The following DGKQ variants were observed in gnomAD, a reference collection of about 807,000 sequenced individuals.
The protein encoded by DGKQ is DAG kinase theta.
Under a neutral mutation model 104.2 loss-of-function variants are expected in DGKQ, and 97 were observed. That is an observed-to-expected ratio of 0.93 (90% confidence interval 0.79 to 1.10). The LOEUF is 1.10. Among genes scored for constraint, DGKQ ranks in the 50% least tolerant of loss-of-function variants. DGKQ has a pLI of 0.00. For missense variants in DGKQ, 1,465 were observed against 1,352.1 expected, an observed-to-expected ratio of 1.08 and a Z score of -1.31; for synonymous variants, 736 against 595.2, an observed-to-expected ratio of 1.24 and a Z score of -3.44.
Position 961,479 on chromosome 4 carries a change from G to GC in DGKQ, c.2561dup (p.Val855ArgfsTer55). On this transcript the variant is annotated frameshift_variant, in exon 21 of 23. Transcript: ENST00000273814. LOFTEE classifies it high-confidence loss of function. Reference sequence around the variant, plus strand: ...GCCGGCGGCTCACCATGTGCACGACGCCCGTCACGCCCACAACCTCCAGCA... The same window carrying GC: ...GCCGGCGGCTCACCATGTGCACGACGCCCCGTCACGCCCACAACCTCCAGCA... The GC allele has an allele frequency of 2.5e-6, 4 of 1,600,700 alleles. No homozygotes were observed. Among genetic ancestry groups the GC allele is most frequent in the Non-Finnish European group, 3.4e-6 (4 of 1,175,612 alleles).
In DGKQ at chr4:968,427, A is replaced by G. The variant is rs759821871; in HGVS notation, c.538-20T>C. ...GGTGTCCTGCAGAGCGGGGGCAGTC[A>G]GCAGCTGGGCCCGCCCCACCCCCCA... On this transcript the variant is annotated intron_variant, in intron 4 of 22. Coordinates refer to ENST00000273814, the MANE Select transcript of DGKQ (RefSeq NM_001347.4). The G allele has an allele frequency of 3.2e-6, 5 of 1,583,892 alleles. No homozygotes were observed. Among genetic ancestry groups the G allele is most frequent in the South Asian group, 1.1e-5 (1 of 87,634 alleles).
rs746268903 is a variant in DGKQ at position 973,218 on chromosome 4, A to G, written c.265T>C (p.Cys89Arg). ...ATCGGGCCCGGGCGCTCACCGTCGC[A>G]CAGGAAGCCGGCCAGCCCCCAGATG... ...DFIWGLAGFL[C>R]DVCNFMSHEK... The change falls in exon 1 of 23, where the codon TGC becomes CGC. Residue 89 changes from cysteine (C) to arginine (R), a missense_variant. Physicochemically the swap from Cys to Arg is radical, Grantham distance 180. Transcript: ENST00000273814. The G allele has an allele frequency of 1.3e-6, 2 of 1,557,728 alleles. No individual in the cohort carries two copies. Among genetic ancestry groups the G allele is most frequent in the Admixed American group, 3.6e-5 (2 of 54,828 alleles).
At chr4:960,792 G>A (rs528537824) in intron 22 of DGKQ, 71 bp from the exon 23 acceptor site, 116 of 1,570,084 alleles carry the variant, frequency 7.4e-5, no homozygotes, top group Middle Eastern at 1.7e-4. Flanking sequence ...GGCAGCCCCC[G>A]GTCCTGGGGC....
chr4:970,668 G>A (rs1560521223), intron 2 of DGKQ, among the ~76,000 whole-genome samples: 1 of 152,166 alleles, frequency 6.6e-6, no homozygotes. Flanking sequence ...CCCCCCAGGA[G>A]CCCTCACGCT....
In DGKQ at chr4:967,739, G is replaced by A. The variant is rs201239728; in HGVS notation, c.875C>T (p.Thr292Ile). 4.3e-6 allele frequency: 7 copies of A among 1,611,102 alleles called. No individual in the cohort carries two copies. The highest frequency in any genetic ancestry group is 4.5e-5 in the East Asian group (2 of 44,806). Residue 292 changes from threonine to isoleucine, a missense_variant, in exon 7 of 23, where the codon ACT (threonine) becomes ATT (isoleucine). Transcript: ENST00000273814. ...AVGPGRETQATPESGKQTLKI... is the reference protein window; with the variant it reads ...AVGPGRETQAIPESGKQTLKI... Reference sequence around the variant, plus strand: ...AGGCGGGCACTTACCGGACTCCGGAGTTGCCTGTGTCTCTCTGCCTGGACC... The same window carrying A: ...AGGCGGGCACTTACCGGACTCCGGAATTGCCTGTGTCTCTCTGCCTGGACC...
chr4:966,791 G>C lies in DGKQ; in HGVS notation c.1323C>G (p.Pro441=), dbSNP rs747567422. 44 of 1,609,718 alleles carry C rather than the reference G, an allele frequency of 2.7e-5. No homozygotes were observed. Among genetic ancestry groups the C allele is most frequent in the Non-Finnish European group, 3.6e-5 (42 of 1,178,712 alleles). ...LPLLGRQAES[P]ESFQLVEVAM... ...CCACCTCCACCAGCTGGAAGCTCTC[G>C]GGACTCTCGGCCTGTTGGGGTAGAG... is the stretch of plus-strand genomic sequence containing the variant. The change falls in exon 11 of 23, where the codon CCC becomes CCG. Residue 441 remains proline (P), a synonymous_variant. Coordinates refer to ENST00000273814, the MANE Select transcript of DGKQ (RefSeq NM_001347.4).
chr4:968,677 C>G, intron 3 of DGKQ, 113 bp from the exon 4 acceptor site: 3 of 1,353,012 alleles, frequency 2.2e-6, no homozygotes, highest in Non-Finnish European at 3.0e-6. Flanking sequence ...CTTTAAGTGT[C>G]CTGTGGCCTG....
Position 966,452 on chromosome 4 carries a change from C to T in DGKQ, c.1428+14G>A. 6.2e-7 allele frequency: 1 copy of T among 1,611,836 alleles called. No homozygotes were observed. The highest frequency in any genetic ancestry group is 1.1e-5 in the South Asian group (1 of 91,030). On this transcript the variant is annotated intron_variant, in intron 12 of 22. Transcript: ENST00000273814. The stretch of plus-strand genomic sequence containing the variant: ...CTGCTGGTTCCCTGGGGGCCGGCGT[C>T]CACACCCACTCACCTGCCGGATGTC...
Position 967,874 on chromosome 4 carries a change from C to G in DGKQ, c.811+6G>C, listed in dbSNP as rs188073258. ...CCCAGGGCGCCCCGGCCGGCCCGCA[C>G]CTCACCCGGCTCCGCGGCCTCCACG... is the stretch of plus-strand genomic sequence containing the variant. On this transcript the variant is annotated splice_donor_region_variant and intron_variant, in intron 6 of 22. Coordinates refer to ENST00000273814, the MANE Select transcript of DGKQ (RefSeq NM_001347.4). The G allele has an allele frequency of 5.3e-3, 7,730 of 1,460,196 alleles. 36 individuals are homozygous for G. The highest frequency in any genetic ancestry group is 6.3e-3 in the Non-Finnish European group (7,013 of 1,112,398). The allele number at this position is 1,460,196 out of a possible 1,614,324, so 90.5% of individuals were successfully genotyped here.
At position 961,547 on chromosome 4, in the gene DGKQ, C is replaced by T. The variant is rs199858339; in HGVS notation, c.2494G>A (p.Asp832Asn). The change falls in exon 21 of 23, where the codon GAC becomes AAC. Residue 832 changes from aspartate (D) to asparagine (N), a missense_variant. By Grantham distance (23) the Asp-to-Asn change is conservative. Coordinates refer to ENST00000273814, the MANE Select transcript of DGKQ (RefSeq NM_001347.4). ...GGCTTCTCAAACCTGGTGTCGCTGT[C>T]GGAGCCCCACAGGTCGGCCCCCGAG... is the stretch of plus-strand genomic sequence containing the variant. ...WGSGADLWGS[D>N]SDTRFEKPRM... 231 of 1,609,106 alleles carry T rather than the reference C, an allele frequency of 1.4e-4. 2 individuals carry two copies. The East Asian group carries it at 4.7e-3, about 33-fold the overall frequency.
chr4:967,422 G>C (rs561930410), intron 8 of DGKQ, 61 bp from the exon 9 acceptor site: 2 of 825,064 alleles, frequency 2.4e-6, no homozygotes, highest in African/African-American at 3.4e-5. Context: ...TCAGTGGGGG[G>C]CAGGTCATGG....
rs1560510684 is a variant in DGKQ at position 961,762 on chromosome 4, CTG to C, written c.2386_2387del (p.Gln796AspfsTer16). ...KISHSRSLHK[Q>X]IRLQVERQEV... ...CCTGCCGCTCCACCTGCAGCCGGATCTGCTTGTGCAGGCTCCGAGAGTGACTG... is the reference window on the plus strand; with the variant it reads ...CCTGCCGCTCCACCTGCAGCCGGATCCTTGTGCAGGCTCCGAGAGTGACTG... On this transcript the variant is annotated frameshift_variant, in exon 20 of 23. Coordinates refer to ENST00000273814, the MANE Select transcript of DGKQ (RefSeq NM_001347.4). LOFTEE classifies it high-confidence loss of function. 1.2e-6 allele frequency: 2 copies of C among 1,612,500 alleles called. No homozygotes were observed. The highest frequency in any genetic ancestry group is 3.3e-5 in the Admixed American group (2 of 59,948).
intron 12 of DGKQ, 132 bp downstream of exon 12, chr4:966,334 C>T (rs992067291): frequency 1.2e-5 from 13 of 1,061,562 alleles, no homozygotes; most frequent in Non-Finnish European, 1.8e-5. Flanking sequence ...GACGAGGGCG[C>T]TGCCCTGTCA....
chr4:965,493 T>C lies in DGKQ; in HGVS notation c.1616A>G (p.Gln539Arg), dbSNP rs571859691. Reference sequence around the variant, plus strand: ...CCACGTCCCTCAGGGCAGCTCACCTTGGGAGGAGTAGATGTGACTCACGGA... The same window carrying C: ...CCACGTCCCTCAGGGCAGCTCACCTCGGGAGGAGTAGATGTGACTCACGGA... ...VVSVSHIYSSQGAVVLDVACF... is the reference protein window; with the variant it reads ...VVSVSHIYSSRGAVVLDVACF... Residue 539 changes from glutamine to arginine, a missense_variant and splice_region_variant, in exon 14 of 23, where the codon CAA (glutamine) becomes CGA (arginine). Physicochemically the swap from Gln to Arg is conservative, Grantham distance 43. Coordinates refer to ENST00000273814, the MANE Select transcript of DGKQ (RefSeq NM_001347.4). 12 of 1,611,514 alleles carry C rather than the reference T, an allele frequency of 7.4e-6. 1 individual carries two copies. In the South Asian group the frequency reaches 9.9e-5, roughly 13 times the overall value.
Position 967,864 on chromosome 4 carries a change from C to T in DGKQ, c.811+16G>A. The T allele has an allele frequency of 1.4e-6, 2 of 1,465,880 alleles. No homozygotes were observed. Among genetic ancestry groups the T allele is most frequent in the Non-Finnish European group, 1.8e-6 (2 of 1,113,860 alleles). The allele number at this position is 1,465,880 out of a possible 1,614,324, so 90.8% of individuals were successfully genotyped here. A position where few individuals can be genotyped will look rare whatever the true frequency, so the allele number is the denominator to read the frequency against. On this transcript the variant is annotated intron_variant, in intron 6 of 22. Transcript: ENST00000273814. ...CAGCCCCCAGCCCAGGGCGCCCCGGCCGGCCCGCACCTCACCCGGCTCCGC... is the reference window on the plus strand; with the variant it reads ...CAGCCCCCAGCCCAGGGCGCCCCGGTCGGCCCGCACCTCACCCGGCTCCGC...
chr4:973,247 T>A lies in DGKQ; in HGVS notation c.236A>T (p.Asp79Val). 6.4e-7 allele frequency: 1 copy of A among 1,561,454 alleles called. No individual in the cohort carries two copies. Among genetic ancestry groups the A allele is most frequent in the Non-Finnish European group, 8.6e-7 (1 of 1,157,020 alleles). Residue 79 changes from aspartate (D) to valine (V), a missense_variant, in exon 1 of 23, where the codon GAC becomes GTC. By Grantham distance (152) the Asp-to-Val change is radical. Coordinates refer to ENST00000273814, the MANE Select transcript of DGKQ (RefSeq NM_001347.4). ...TKPTFCHLCS[D>V]FIWGLAGFLC... Reference sequence around the variant, plus strand: ...GAAGCCGGCCAGCCCCCAGATGAAGTCGGAGCAGAGGTGGCAGAAGGTGGG... The same window carrying A: ...GAAGCCGGCCAGCCCCCAGATGAAGACGGAGCAGAGGTGGCAGAAGGTGGG...
chr4:961,586 A>AT lies in DGKQ; in HGVS notation c.2463-9dup, dbSNP rs1349737391. The AT allele has an allele frequency of 6.2e-7, 1 of 1,609,638 alleles. No homozygotes were observed. Among genetic ancestry groups the AT allele is most frequent in the Non-Finnish European group, 8.5e-7 (1 of 1,178,766 alleles). ...TCGGCCCCCGAGCCCCAGCTGCCGC[A>AT]TAAGAGAGCGGGCACAGAGGTGTAG... is the stretch of plus-strand genomic sequence containing the variant. On this transcript the variant is annotated splice_polypyrimidine_tract_variant and intron_variant, in intron 20 of 22. Transcript: ENST00000273814.
Position 961,493 on chromosome 4 carries a change from C to T in DGKQ, c.2548G>A (p.Val850Met), listed in dbSNP as rs1360543812. The part of the protein sequence containing the change: ...PRMDDGLLEV[V>M]GVTGVVHMGQ... ...ATGTGCACGACGCCCGTCACGCCCA[C>T]AACCTCCAGCAGCCCGTCGTCCATG... The change falls in exon 21 of 23, where the codon GTG (valine) becomes ATG (methionine). Residue 850 changes from valine to methionine, a missense_variant. Val to Met is a conservative substitution (Grantham distance 21, BLOSUM62 1). Coordinates refer to ENST00000273814, the MANE Select transcript of DGKQ (RefSeq NM_001347.4). The T allele has an allele frequency of 2.5e-6, 4 of 1,605,990 alleles. No homozygotes were observed. The highest frequency in any genetic ancestry group is 2.3e-5 in the East Asian group (1 of 44,418).
chr4:971,100 G>A lies in DGKQ; in HGVS notation c.272-28C>T. Reference sequence around the variant, plus strand: ...GTGGGAATGAGCACTGTGTGAGTTGGCCCCTGTCCTACCCAATGGCTGTCC... The same window carrying A: ...GTGGGAATGAGCACTGTGTGAGTTGACCCCTGTCCTACCCAATGGCTGTCC... On this transcript the variant is annotated intron_variant, in intron 1 of 22. Coordinates refer to ENST00000273814, the MANE Select transcript of DGKQ (RefSeq NM_001347.4). This position sits in a 1 kb window ranked among gnomAD's most constrained non-coding sequence, Gnocchi z 4.0. 6.5e-7 allele frequency: 1 copy of A among 1,528,890 alleles called. No individual in the cohort carries two copies. The highest frequency in any genetic ancestry group is 1.4e-5 in the African/African-American group (1 of 72,948). 94.7% of individuals were successfully genotyped at this position (1,528,890 alleles called of 1,614,324 possible). A position where few individuals can be genotyped will look rare whatever the true frequency, so the allele number is the denominator to read the frequency against.
Sources: gnomAD v4.1 joint callset for allele counts (sites outside exome capture counted in the v4.1 genomes callset) on GRCh38, gnomAD v4.1.1 for gene constraint, Gnocchi (gnomAD v3.1) non-coding constraint, MANE v1.5 for transcripts, NCBI Gene and HGNC (gene_info 2026-07-23, HGNC 2026-07-21) for gene names.